The following NSUN6 variants were observed in gnomAD, a reference collection of about 807,000 sequenced individuals.
NSUN6 encodes the protein tRNA (cytosine(72)-C(5))-methyltransferase NSUN6.
NSUN6 carries 64 observed loss-of-function variants against 58.0 expected under a neutral mutation model. That is an observed-to-expected ratio of 1.10 (90% confidence interval 0.90 to 1.36). The LOEUF is 1.36. Among genes scored for constraint, NSUN6 ranks in the 40% most tolerant of loss-of-function variants. The probability of loss-of-function intolerance (pLI) is 0.00; values close to 1 mark genes in which losing one functional copy is unlikely to be tolerated. For missense variants in NSUN6, 701 were observed against 550.1 expected (o/e 1.27, Z -2.74); for synonymous variants, 231 against 193.9 (o/e 1.19, Z -1.59).
intron 9 of NSUN6, among the ~76,000 whole-genome samples, 155 bp from the exon 10 acceptor site, chr10:18,548,392 G>A (rs1392508939): frequency 6.6e-6 from 1 of 152,190 alleles, no homozygotes; most frequent in African/African-American, 2.4e-5. Context: ...GAGTATGCAA[G>A]AGCAACACTT....
intron 8 of NSUN6, among the ~76,000 whole-genome samples, chr10:18,584,253 G>A (rs898861809): frequency 1.3e-5 from 2 of 152,168 alleles, no homozygotes; most frequent in Non-Finnish European, 2.9e-5. Context: ...TGTTAGATTA[G>A]GCACCAGCTA....
rs183739682 is a variant in NSUN6, at chr10:18,610,049, T to A, written c.576-123A>T. 6,611 of 670,772 alleles carry A rather than the reference T, an allele frequency of 9.9e-3. 78 individuals carry two copies. The highest frequency in any genetic ancestry group is 0.016 in the South Asian group (915 of 55,826). The allele number at this position is 670,772 out of a possible 1,614,324, so 41.6% of individuals were successfully genotyped here. A position where few individuals can be genotyped will look rare whatever the true frequency, so the allele number is the denominator to read the frequency against. ...ATGCTCTATCTTTTTAAGAACTATT[T>A]TGGCTCAAGCCTGTAATCCCAGCAC... is the stretch of plus-strand genomic sequence containing the variant. On this transcript the variant is annotated intron_variant, in intron 5 of 10. Transcript: ENST00000377304.
chr10:18,553,598 T>A (rs1037119324), intron 8 of NSUN6, among the ~76,000 whole-genome samples: 4 of 145,992 alleles, frequency 2.7e-5, no homozygotes, highest in Non-Finnish European at 6.0e-5. Context: ...TTGAATGGAA[T>A]AGGGAATGGA....
rs1365769035 is a variant in NSUN6 at position 18,581,119 on chromosome 10, C to T, written c.922+4830G>A. ...CCTTGGGGTGGGCTGCCAGCATGGA[C>T]AGTGGCCTGCTCGCACTTGGGAGGG... On this transcript the variant is annotated intron_variant, in intron 8 of 10. Transcript: ENST00000377304. Among the ~76,000 whole-genome samples, 3 of 152,058 alleles carry T rather than the reference C, an allele frequency of 2.0e-5. No individual in the cohort carries two copies. The East Asian group carries it at 5.8e-4, about 29-fold the overall frequency.
intron 8 of NSUN6, among the ~76,000 whole-genome samples, chr10:18,568,944 CATTCCAATCCATTCTCCATTCT>C (rs1314042724): frequency 6.6e-6 from 1 of 151,434 alleles, no homozygotes; most frequent in Non-Finnish European, 1.5e-5. Context: ...TTCTCCATTC[CATTCCAATCCATTCTCCATTCT>C]ATTCCATTCT....
At chr10:18,580,897 T>A (rs569687351) in intron 8 of NSUN6, among the ~76,000 whole-genome samples, 1 of 152,324 alleles carries the variant, frequency 6.6e-6, no homozygotes, top group East Asian at 1.9e-4. Flanking sequence ...GGCAGAGTGA[T>A]CTTGGTTGAG....
intron 3 of NSUN6, among the ~76,000 whole-genome samples, chr10:18,622,535 G>GA (rs2058647584): frequency 6.6e-6 from 1 of 152,196 alleles, no homozygotes; most frequent in Non-Finnish European, 1.5e-5. Flanking sequence ...CCAACATGGT[G>GA]AAACCCTGTC....
At chr10:18,575,437 G>C (rs1211265565) in intron 8 of NSUN6, among the ~76,000 whole-genome samples, 1 of 152,164 alleles carries the variant, frequency 6.6e-6, no homozygotes, top group East Asian at 1.9e-4. Context: ...AAATGCGACA[G>C]CCAATAATGT....
chr10:18,591,544 C>A (rs867962326), intron 7 of NSUN6, among the ~76,000 whole-genome samples: 9 of 152,088 alleles, frequency 5.9e-5, no homozygotes, highest in Admixed American at 5.2e-4. Flanking sequence ...AGCTTCATCC[C>A]GGGGATGCAA....
At chr10:18,614,726 A>C in intron 4 of NSUN6, 113 bp from the exon 5 acceptor site, 1 of 422,764 alleles carries the variant, frequency 2.4e-6, no homozygotes, top group Non-Finnish European at 4.1e-6. Flanking sequence ...GGCATGAAGC[A>C]GTTCAAACTT....
At chr10:18,583,539 G>A (rs897785550) in intron 8 of NSUN6, among the ~76,000 whole-genome samples, 5 of 152,156 alleles carry the variant, frequency 3.3e-5, no homozygotes, top group Non-Finnish European at 5.9e-5. Context: ...AACTTTGAGA[G>A]AGTTTAGCTG....
intron 7 of NSUN6, among the ~76,000 whole-genome samples, chr10:18,586,805 T>C (rs1462707397): frequency 1.3e-5 from 2 of 152,164 alleles, no homozygotes; most frequent in Non-Finnish European, 2.9e-5. Flanking sequence ...TGGCCAGCTT[T>C]TATTCCCTTA....
intron 6 of NSUN6, among the ~76,000 whole-genome samples, chr10:18,597,800 AC>A (rs752679610): frequency 5.9e-5 from 9 of 152,098 alleles, no homozygotes; most frequent in Non-Finnish European, 8.8e-5. Context: ...ATACAAACAT[AC>A]AAAAAAACTG....
At chr10:18,578,540 C>G (rs2056767684) in intron 8 of NSUN6, among the ~76,000 whole-genome samples, 1 of 152,180 alleles carries the variant, frequency 6.6e-6, no homozygotes, top group Non-Finnish European at 1.5e-5. Flanking sequence ...CTGCACTCAT[C>G]AGCTCTAGGT....
chr10:18,552,823 T>C (rs2054693182), intron 8 of NSUN6, among the ~76,000 whole-genome samples: 1 of 151,732 alleles, frequency 6.6e-6, no homozygotes, highest in Non-Finnish European at 1.5e-5. Flanking sequence ...ATCAATTCCA[T>C]GCTCCATTAC....
In NSUN6 at chr10:18,586,104, A is replaced by T; in HGVS notation, c.778-11T>A. On this transcript the variant is annotated splice_polypyrimidine_tract_variant and intron_variant, in intron 7 of 10. Coordinates refer to ENST00000377304, the MANE Select transcript of NSUN6 (RefSeq NM_182543.5). ...TGCTATAACTTCTCCCTAAAAAGAA[A>T]CAAAACACACACATGCAGAAAAAAA... 1 of 1,548,898 alleles carries T rather than the reference A, an allele frequency of 6.5e-7. No individual in the cohort carries two copies. The highest frequency in any genetic ancestry group is 8.7e-7 in the Non-Finnish European group (1 of 1,150,886).
intron 3 of NSUN6, among the ~76,000 whole-genome samples, chr10:18,641,029 T>C (rs2059377123): frequency 6.6e-6 from 1 of 152,172 alleles, no homozygotes; most frequent in Non-Finnish European, 1.5e-5. Context: ...TGTGTACTTT[T>C]ATTAACTGCA....
At chr10:18,640,678 G>C (rs573868840) in intron 3 of NSUN6, among the ~76,000 whole-genome samples, 2 of 152,142 alleles carry the variant, frequency 1.3e-5, no homozygotes, top group South Asian at 4.1e-4. Flanking sequence ...GTGGGTCTTG[G>C]CTGCACAGTT....
chr10:18,641,428 CA>C (rs1451354126), intron 3 of NSUN6, among the ~76,000 whole-genome samples: 1 of 151,046 alleles, frequency 6.6e-6, no homozygotes, highest in Non-Finnish European at 1.5e-5. Flanking sequence ...TGCAGTAGCA[CA>C]ATCATGGCTC....
Sources: gnomAD v4.1 joint callset for allele counts (sites outside exome capture counted in the v4.1 genomes callset) on GRCh38, gnomAD v4.1.1 for gene constraint, MANE v1.5 for transcripts, NCBI Gene and HGNC (gene_info 2026-07-23, HGNC 2026-07-21) for gene names.